KAZN: variants seen among roughly 807,000 people sequenced by gnomAD.
KAZN encodes the protein kazrin.
KAZN carries 40 observed loss-of-function variants against 87.4 expected under a neutral mutation model. That is an observed-to-expected ratio of 0.46 (90% confidence interval 0.36 to 0.60). KAZN has a LOEUF of 0.60. Among genes scored for constraint, KAZN ranks in the 20% least tolerant of loss-of-function variants. The pLI is 0.00. For synonymous variants in KAZN, 466 were observed against 458.3 expected, an observed-to-expected ratio of 1.02 and a Z score of -0.22; for missense variants, 898 against 1,073.9, an observed-to-expected ratio of 0.84 and a Z score of 2.29.
At chr1:14,883,348 A>AGGGAGGGAGGG (rs1557586257) in intron 1 of KAZN, among the ~76,000 whole-genome samples, 2 of 31,896 alleles carry the variant, frequency 6.3e-5, no homozygotes, top group African/African-American at 8.9e-5. Context: ...GAGAGAAAGA[A>AGGGAGGGAGGG]AGAAAGAAAA....
At position 14,029,867 on chromosome 1, in the gene KAZN, G is replaced by A. The variant is rs551179383; in HGVS notation, c.91+136111G>A. On this transcript the variant is annotated intron_variant, in intron 1 of 16. Coordinates refer to the KAZN transcript ENST00000636203. ...TTTGGTACCAGTACCATGCTGTTTCGGTTACTGTAGCCTTGTAGTATAGTT... is the reference window on the plus strand; with the variant it reads ...TTTGGTACCAGTACCATGCTGTTTCAGTTACTGTAGCCTTGTAGTATAGTT... Among the ~76,000 whole-genome samples the A allele has an allele frequency of 3.0e-4, 45 of 152,244 alleles. No homozygotes were observed. In the South Asian group the frequency reaches 4.6e-3, roughly 15 times the overall value.
intron 2 of KAZN, among the ~76,000 whole-genome samples, chr1:14,478,249 A>AGAAGGAAGGAAGGAAG (rs141017159): frequency 2.4e-4 from 24 of 101,474 alleles, no homozygotes; most frequent in Non-Finnish European, 4.5e-4. Context: ...AGGAAGGAAA[A>AGAAGGAAGGAAGGAAG]GAAGGAAGGA....
intron 1 of KAZN, among the ~76,000 whole-genome samples, chr1:14,665,945 A>T (rs940774440): frequency 6.6e-6 from 1 of 151,826 alleles, no homozygotes; most frequent in Non-Finnish European, 1.5e-5. Context: ...AAAAAAAAAA[A>T]AAAAAAAATA....
In KAZN at chr1:15,067,680, C is replaced by T. The variant is rs548423451; in HGVS notation, c.1222+1927C>T. 4.1e-6 allele frequency: 4 copies of T among 985,438 alleles called. No individual in the cohort carries two copies. The East Asian group carries it at 3.4e-4, about 84-fold the overall frequency. The allele number at this position is 985,438 out of a possible 1,614,324, so 61.0% of individuals were successfully genotyped here. ...TCCAAAGTCTCAAGAACAAACAACA[C>T]TTTCCTTCTGACCTGGTCCAAAAGT... On this transcript the variant is annotated intron_variant, in intron 8 of 14. Transcript: ENST00000376030.
chr1:14,748,298 T>C (rs903800818), intron 1 of KAZN, among the ~76,000 whole-genome samples: 2 of 152,222 alleles, frequency 1.3e-5, no homozygotes, highest in Non-Finnish European at 1.5e-5. Flanking sequence ...ACTGGCTGTC[T>C]TTAGCTCACA....
At chr1:14,675,621 G>A (rs1009451664) in intron 1 of KAZN, among the ~76,000 whole-genome samples, 1 of 151,872 alleles carries the variant, frequency 6.6e-6, no homozygotes, top group Admixed American at 6.6e-5. Context: ...CTCTTTTTTG[G>A]CATGCCTATT....
At chr1:14,446,663 C>T (rs1667000087) in intron 2 of KAZN, among the ~76,000 whole-genome samples, 1 of 152,184 alleles carries the variant, frequency 6.6e-6, no homozygotes, top group South Asian at 2.1e-4. Context: ...TTTCTTTTTC[C>T]CCTTGAACCC....
chr1:14,607,250 C>T (rs910972261), intron 1 of KAZN, among the ~76,000 whole-genome samples: 7 of 152,182 alleles, frequency 4.6e-5, no homozygotes, highest in African/African-American at 1.2e-4. Flanking sequence ...AATACCTCAA[C>T]GAATCCTTTA....
chr1:13,996,107 C>T (rs537281989), intron 1 of KAZN, among the ~76,000 whole-genome samples: 18 of 152,132 alleles, frequency 1.2e-4, no homozygotes, highest in African/African-American at 3.6e-4. Context: ...GAGAGCCACA[C>T]GGGGCAGGGG....
chr1:15,052,636 A>G (rs1486612495), intron 4 of KAZN, among the ~76,000 whole-genome samples: 1 of 152,120 alleles, frequency 6.6e-6, no homozygotes, highest in Non-Finnish European at 1.5e-5. Context: ...GTGTGTGGAT[A>G]CGTGGGTGTG....
intron 1 of KAZN, among the ~76,000 whole-genome samples, chr1:14,054,162 TA>T (rs969607323): frequency 1.7e-3 from 258 of 150,138 alleles, no homozygotes; most frequent in African/African-American, 5.9e-3. Flanking sequence ...ATATTTACTG[TA>T]AAAAAAAAAT....
intron 1 of KAZN, among the ~76,000 whole-genome samples, chr1:14,877,351 G>A (rs1433077464): frequency 1.3e-5 from 2 of 152,198 alleles, no homozygotes; most frequent in Admixed American, 1.3e-4. Flanking sequence ...GAAAAAGTCT[G>A]ATTGGTTCAC....
chr1:14,365,236 A>C (rs1365574512), intron 2 of KAZN, among the ~76,000 whole-genome samples: 4 of 151,700 alleles, frequency 2.6e-5, no homozygotes, highest in Non-Finnish European at 5.9e-5. Flanking sequence ...TTTAGTAGAG[A>C]CGGGTTTTCA....
intron 2 of KAZN, among the ~76,000 whole-genome samples, chr1:14,975,420 C>T (rs956148304): frequency 9.9e-5 from 15 of 152,190 alleles, no homozygotes; most frequent in Non-Finnish European, 2.2e-4. Flanking sequence ...TTTTTCTTGG[C>T]ACCCAGCTAA....
chr1:13,947,465 G>A (rs61775583), intron 1 of KAZN, among the ~76,000 whole-genome samples: 14,277 of 152,116 alleles, frequency 0.094, 751 homozygotes, highest in Middle Eastern at 0.14. Flanking sequence ...GGATTATGGG[G>A]ATTACAATTT....
intron 1 of KAZN, among the ~76,000 whole-genome samples, chr1:14,715,514 ACTC>A (rs887317795): frequency 6.6e-6 from 1 of 151,874 alleles, no homozygotes; most frequent in African/African-American, 2.4e-5. Flanking sequence ...CTCAGAAGGG[ACTC>A]CTCCAAAACC....
chr1:14,997,705 G>A (rs188842428), intron 2 of KAZN, among the ~76,000 whole-genome samples: 1 of 152,018 alleles, frequency 6.6e-6, no homozygotes, highest in East Asian at 1.9e-4. Flanking sequence ...CCCCCTGAGG[G>A]TGGAGGAGCA....
chr1:14,229,940 T>C (rs1489583254), intron 2 of KAZN, among the ~76,000 whole-genome samples: 1 of 152,224 alleles, frequency 6.6e-6, no homozygotes, highest in Non-Finnish European at 1.5e-5. Flanking sequence ...ATATGTTCCC[T>C]ACATTATTTC....
intron 1 of KAZN, among the ~76,000 whole-genome samples, chr1:14,159,075 A>C (rs1276154735): frequency 6.6e-6 from 1 of 152,028 alleles, no homozygotes; most frequent in Non-Finnish European, 1.5e-5. Flanking sequence ...AAAGCACTGG[A>C]TCTCACTCAA....
Sources: allele counts gnomAD v4.1 joint callset (sites outside exome capture counted in the v4.1 genomes callset), GRCh38; gene constraint gnomAD v4.1.1; transcripts MANE v1.5; gene names NCBI Gene and HGNC (gene_info 2026-07-23, HGNC 2026-07-21).